Variants in XRRA1 observed in about 807,000 individuals in gnomAD.
XRRA1 encodes X-ray radiation resistance associated 1.
In XRRA1, 69 loss-of-function variants were observed where a neutral mutation model predicts 80.2. The ratio of observed to expected loss-of-function variants is 0.86; its 90% CI spans 0.71 to 1.05. XRRA1 has a LOEUF of 1.05. Ranked by LOEUF, XRRA1 falls within the 50% of genes least tolerant of loss-of-function variation. The pLI is 0.00. For missense variants in XRRA1, 967 were observed against 976.4 expected (o/e 0.99, Z 0.13); for synonymous variants, 348 against 389.9 (o/e 0.89, Z 1.27).
At position 74,842,753 on chromosome 11, in the gene XRRA1, T is replaced by C. The variant is rs1800125308; in HGVS notation, c.*447A>G. 5.8e-6 allele frequency: 1 copy of C among 171,148 alleles called. No homozygotes were observed. The highest frequency in any genetic ancestry group is 2.4e-5 in the African/African-American group (1 of 42,016). The allele number at this position is 171,148 out of a possible 1,614,324, so 10.6% of individuals were successfully genotyped here. ...ACAGGATGACACTGTCCCTGCACAT[T>C]AGGGCTGTACTCACAAGATCTGGTT... is the stretch of plus-strand genomic sequence containing the variant. On this transcript the variant is annotated 3_prime_UTR_variant, in exon 19 of 19. Transcript: ENST00000684022.
chr11:74,873,406 G>A (rs2045328120), intron 10 of XRRA1, among the ~76,000 whole-genome samples: 1 of 152,104 alleles, frequency 6.6e-6, no homozygotes. Flanking sequence ...AATACCTGAG[G>A]GAACTAAATG....
chr11:74,848,313 C>G lies in XRRA1; in HGVS notation c.1530G>C (p.Glu510Asp), dbSNP rs750672900. 2 of 1,613,930 alleles carry G rather than the reference C, an allele frequency of 1.2e-6. No homozygotes were observed. The highest frequency in any genetic ancestry group is 1.7e-6 in the Non-Finnish European group (2 of 1,179,856). The stretch of plus-strand genomic sequence containing the variant: ...CCAGGTTCTCAGTGGGCATCTCTGA[C>G]TCCACAGAAGTGCTTTTGGTAGTGG... Reference protein sequence around the residue: ...DLPTTKSTSVESEMPTENLEG... With the variant: ...DLPTTKSTSVDSEMPTENLEG... The change falls in exon 15 of 19, where the codon GAG becomes GAC. Residue 510 changes from glutamate to aspartate, a missense_variant. Transcript: ENST00000684022.
At chr11:74,859,981 G>A (rs991829551) in intron 11 of XRRA1, among the ~76,000 whole-genome samples, 1 of 152,170 alleles carries the variant, frequency 6.6e-6, no homozygotes, top group African/African-American at 2.4e-5. Context: ...TACACTCACT[G>A]ATTCCTGAGT....
chr11:74,940,126 G>A lies in XRRA1; in HGVS notation c.94+659C>T, dbSNP rs548949594. Among the ~76,000 whole-genome samples, 5 of 152,284 alleles carry A rather than the reference G, an allele frequency of 3.3e-5. No individual in the cohort carries two copies. In the South Asian group the frequency reaches 8.3e-4, roughly 25 times the overall value. On this transcript the variant is annotated intron_variant, in intron 3 of 18. Transcript: ENST00000684022. Reference sequence around the variant, plus strand: ...TTCTCCTTTGCCCTACCCTTTCAAAGCAACAAAGCCAATCCAGAGAACCAA... The same window carrying A: ...TTCTCCTTTGCCCTACCCTTTCAAAACAACAAAGCCAATCCAGAGAACCAA...
At chr11:74,943,016 G>A (rs1032909313) in intron 2 of XRRA1, among the ~76,000 whole-genome samples, 7 of 152,230 alleles carry the variant, frequency 4.6e-5, no homozygotes, top group African/African-American at 1.7e-4. Context: ...AGGGAGGGCA[G>A]GCTCCTTCAG....
At chr11:74,940,250 G>A (rs545421534) in intron 3 of XRRA1, among the ~76,000 whole-genome samples, 19 of 152,230 alleles carry the variant, frequency 1.2e-4, no homozygotes, top group Non-Finnish European at 1.0e-4. Context: ...TGGCAGAGTC[G>A]AATTTAAGCC....
intron 8 of XRRA1, among the ~76,000 whole-genome samples, chr11:74,916,828 G>A (rs1382736650): frequency 3.9e-5 from 6 of 152,056 alleles, no homozygotes; most frequent in African/African-American, 7.2e-5. Context: ...TTTCGTGTTT[G>A]ATTATTGCAG....
chr11:74,928,519 T>C (rs1942780794), intron 6 of XRRA1, among the ~76,000 whole-genome samples: 1 of 152,210 alleles, frequency 6.6e-6, no homozygotes, highest in African/African-American at 2.4e-5. Flanking sequence ...CACTGTCTTG[T>C]ACCTGAGCTG....
chr11:74,891,492 A>G (rs1278459390), intron 10 of XRRA1, among the ~76,000 whole-genome samples: 1 of 152,230 alleles, frequency 6.6e-6, no homozygotes, highest in Non-Finnish European at 1.5e-5. Flanking sequence ...GAAAACTGGC[A>G]CAAGACAGGG....
chr11:74,912,068 G>C (rs2056047139), intron 8 of XRRA1, among the ~76,000 whole-genome samples: 1 of 152,194 alleles, frequency 6.6e-6, no homozygotes, highest in Admixed American at 6.5e-5. Context: ...GGGCAGACTG[G>C]TCCTCTTGCA....
intron 3 of XRRA1, among the ~76,000 whole-genome samples, chr11:74,940,430 A>C (rs1347701134): frequency 6.6e-6 from 1 of 152,222 alleles, no homozygotes; most frequent in Non-Finnish European, 1.5e-5. Context: ...TTGGCTAACA[A>C]GAATGAGGGC....
chr11:74,869,555 C>G (rs1015346956), intron 10 of XRRA1, among the ~76,000 whole-genome samples: 3 of 152,080 alleles, frequency 2.0e-5, no homozygotes, highest in African/African-American at 7.2e-5. Flanking sequence ...GAGGCTCCAT[C>G]TTTTCTTTTT....
chr11:74,849,555 T>A (rs1247462279), intron 14 of XRRA1, among the ~76,000 whole-genome samples: 24 of 152,158 alleles, frequency 1.6e-4, no homozygotes, highest in Non-Finnish European at 3.2e-4. Context: ...CCAAGCGCCA[T>A]CACTTGGCAG....
intron 7 of XRRA1, among the ~76,000 whole-genome samples, chr11:74,927,090 C>T (rs1466767605): frequency 6.6e-6 from 1 of 152,178 alleles, no homozygotes; most frequent in Non-Finnish European, 1.5e-5. Flanking sequence ...TTTTAAAACT[C>T]ACTTTTCTGC....
intron 3 of XRRA1, among the ~76,000 whole-genome samples, chr11:74,938,925 T>A (rs1390245932): frequency 1.3e-5 from 2 of 152,204 alleles, no homozygotes; most frequent in South Asian, 4.1e-4. Flanking sequence ...CTACTACCAG[T>A]TCTGTTTCTC....
intron 4 of XRRA1, among the ~76,000 whole-genome samples, chr11:74,934,750 G>A (rs911315970): frequency 6.6e-6 from 1 of 152,070 alleles, no homozygotes; most frequent in African/African-American, 2.4e-5. Context: ...ATAAGTCCAC[G>A]CTGGCTCTAT....
intron 10 of XRRA1, among the ~76,000 whole-genome samples, chr11:74,887,484 T>C (rs1011737926): frequency 6.6e-6 from 1 of 152,146 alleles, no homozygotes; most frequent in African/African-American, 2.4e-5. Flanking sequence ...AGTCTACAGC[T>C]CCCAGCATGA....
intron 10 of XRRA1, among the ~76,000 whole-genome samples, chr11:74,869,677 C>T (rs2044315646): frequency 6.6e-6 from 1 of 152,170 alleles, no homozygotes; most frequent in Admixed American, 6.5e-5. Context: ...GTGCCCTATG[C>T]AAATGACAAA....
intron 10 of XRRA1, among the ~76,000 whole-genome samples, chr11:74,881,035 T>C (rs1377015717): frequency 1.4e-5 from 2 of 146,330 alleles, no homozygotes; most frequent in South Asian, 2.3e-4. Context: ...TTCTGTCTCA[T>C]TGATCTGTCT....
Sources: allele counts gnomAD v4.1 joint callset (sites outside exome capture counted in the v4.1 genomes callset), GRCh38; gene constraint gnomAD v4.1.1; transcripts MANE v1.5; gene names NCBI Gene and HGNC (gene_info 2026-07-23, HGNC 2026-07-21).